The following RGS20 variants were observed in gnomAD, a reference collection of about 807,000 sequenced individuals.
RGS20 encodes the protein regulator of G protein signaling 20.
RGS20 carries 30 observed loss-of-function variants against 33.6 expected under a neutral mutation model. The ratio of observed to expected loss-of-function variants is 0.89; its 90% CI spans 0.67 to 1.21. The LOEUF (loss-of-function observed/expected upper bound fraction) is 1.21, where lower values mean the gene tolerates loss of function less well. Ranked by LOEUF, RGS20 falls within the 50% of genes most tolerant of loss-of-function variation. RGS20 has a pLI of 0.00. For synonymous variants in RGS20, 208 were observed against 197.9 expected, an observed-to-expected ratio of 1.05 and a Z score of -0.43; for missense variants, 472 against 502.4, an observed-to-expected ratio of 0.94 and a Z score of 0.58.
intron 2 of RGS20, among the ~76,000 whole-genome samples, chr8:53,910,417 C>T (rs1314262385): frequency 7.6e-6 from 1 of 131,614 alleles, no homozygotes; most frequent in Admixed American, 6.9e-5. Context: ...ATTAAAATCG[C>T]CAGGAAAAAA....
intron 2 of RGS20, among the ~76,000 whole-genome samples, chr8:53,936,591 A>G (rs1814143516): frequency 6.6e-6 from 1 of 152,210 alleles, no homozygotes; most frequent in South Asian, 2.1e-4. Flanking sequence ...TGCTCAAGGA[A>G]ATAAGGGAGG....
rs192676691 is a variant in RGS20, at chr8:53,947,858, C to T, written c.743+1110C>T. ...TGCTATATATAGGATATAGTATATA[C>T]ATTTATATATGCTATATATAAGATG... On this transcript the variant is annotated intron_variant, in intron 4 of 5. Coordinates refer to ENST00000297313, the MANE Select transcript of RGS20 (RefSeq NM_170587.4). Among the ~76,000 whole-genome samples, 1,278 of 133,350 alleles carry T rather than the reference C, an allele frequency of 9.6e-3. 36 individuals are homozygous for T. The highest frequency in any genetic ancestry group is 0.034 in the African/African-American group (1,218 of 36,122). The allele number at this position is 133,350 out of a possible 152,430, so 87.5% of individuals were successfully genotyped here.
At chr8:53,919,127 G>T (rs1017780413) in intron 2 of RGS20, among the ~76,000 whole-genome samples, 11 of 152,150 alleles carry the variant, frequency 7.2e-5, no homozygotes, top group African/African-American at 2.7e-4. Flanking sequence ...TTTCATTGTG[G>T]TAGAGATTTT....
intron 2 of RGS20, among the ~76,000 whole-genome samples, chr8:53,922,378 A>G (rs1374460788): frequency 6.6e-6 from 1 of 151,950 alleles, no homozygotes; most frequent in African/African-American, 2.4e-5. Context: ...TTTACTTTCT[A>G]TCTATTTGCA....
chr8:53,893,453 C>T (rs1328754844), intron 2 of RGS20, among the ~76,000 whole-genome samples: 1 of 152,154 alleles, frequency 6.6e-6, no homozygotes, highest in Non-Finnish European at 1.5e-5. Flanking sequence ...GTGTGTGTCC[C>T]CAAGGCCTTG....
intron 2 of RGS20, among the ~76,000 whole-genome samples, chr8:53,889,521 A>C (rs1451426011): frequency 7.3e-6 from 1 of 137,414 alleles, no homozygotes; most frequent in Non-Finnish European, 1.5e-5. Flanking sequence ...CTGAGACTAT[A>C]GGTGTCCACC....
At chr8:53,858,916 CG>C (rs1811744465) in intron 1 of RGS20, among the ~76,000 whole-genome samples, 2 of 139,656 alleles carry the variant, frequency 1.4e-5, no homozygotes, top group Admixed American at 7.2e-5. Context: ...AAAAAAACCG[CG>C]GGGGGTGGGG....
At chr8:53,935,975 TA>T (rs1488361353) in intron 2 of RGS20, among the ~76,000 whole-genome samples, 1 of 151,798 alleles carries the variant, frequency 6.6e-6, no homozygotes, top group Non-Finnish European at 1.5e-5. Flanking sequence ...ATCCATCACA[TA>T]AACAGAACCA....
chr8:53,923,594 C>CAA, intron 2 of RGS20, among the ~76,000 whole-genome samples: 1 of 137,692 alleles, frequency 7.3e-6, no homozygotes, highest in East Asian at 2.1e-4. Context: ...GACTCTGTCT[C>CAA]AAAAAAAAAA....
chr8:53,925,665 G>A (rs1242249480), intron 2 of RGS20, among the ~76,000 whole-genome samples: 2 of 152,032 alleles, frequency 1.3e-5, no homozygotes, highest in African/African-American at 4.8e-5. Flanking sequence ...AATCCGGGAG[G>A]TGGAGGTGCC....
At chr8:53,934,103 A>G (rs1275391843) in intron 2 of RGS20, among the ~76,000 whole-genome samples, 1 of 152,212 alleles carries the variant, frequency 6.6e-6, no homozygotes. Flanking sequence ...GAGCTCCTGA[A>G]GGACGTACTA....
intron 4 of RGS20, among the ~76,000 whole-genome samples, chr8:53,952,492 A>G (rs1179844410): frequency 2.0e-5 from 3 of 151,842 alleles, no homozygotes; most frequent in African/African-American, 7.2e-5. Flanking sequence ...TCGGGAGGCC[A>G]AGGTGGGTGG....
In RGS20 at chr8:53,944,642, G is replaced by A. The variant is rs184088298; in HGVS notation, c.660-2023G>A. On this transcript the variant is annotated intron_variant, in intron 3 of 5. Transcript: ENST00000297313. ...TTCTTCCTATTTGCAGATGAAACCC[G>A]AAGAGAATTATAGCTATAACTGATA... Among the ~76,000 whole-genome samples, 353 of 152,016 alleles carry A rather than the reference G, an allele frequency of 2.3e-3. 2 individuals are homozygous for A. Among genetic ancestry groups the A allele is most frequent in the African/African-American group, 7.9e-3 (329 of 41,482 alleles).
chr8:53,882,274 G>C (rs1019698481), intron 2 of RGS20, among the ~76,000 whole-genome samples: 5 of 152,222 alleles, frequency 3.3e-5, no homozygotes, highest in Non-Finnish European at 5.9e-5. Flanking sequence ...CCACGCTTGT[G>C]GGGGAGTGAG....
intron 2 of RGS20, among the ~76,000 whole-genome samples, chr8:53,909,239 A>G (rs7842610): frequency 1.5e-5 from 2 of 130,754 alleles, no homozygotes; most frequent in Admixed American, 7.8e-5. Context: ...ATATATATAT[A>G]TATATATATA....
chr8:53,946,060 T>C (rs1307962068), intron 3 of RGS20, among the ~76,000 whole-genome samples: 2 of 152,234 alleles, frequency 1.3e-5, no homozygotes, highest in African/African-American at 4.8e-5. Context: ...ATTTTGATTA[T>C]GCACTTTATT....
intron 2 of RGS20, among the ~76,000 whole-genome samples, chr8:53,907,821 TTA>T (rs1169035132): frequency 3.3e-5 from 5 of 152,050 alleles, no homozygotes; most frequent in Non-Finnish European, 7.4e-5. Context: ...AGGATACAGA[TTA>T]AGTTTAAAGG....
Position 53,937,732 on chromosome 8 carries a change from T to C in RGS20, c.511-1844T>C, listed in dbSNP as rs371984935. Among the ~76,000 whole-genome samples the C allele has an allele frequency of 6.6e-5, 10 of 152,066 alleles. No homozygotes were observed. In the East Asian group the frequency reaches 9.7e-4, roughly 15 times the overall value. On this transcript the variant is annotated intron_variant, in intron 2 of 5. Coordinates refer to ENST00000297313, the MANE Select transcript of RGS20 (RefSeq NM_170587.4). ...TCAAAAAGTGGGCAAAGGATACAAA[T>C]AGACACTTCTCAAAAGAAAACATTT...
chr8:53,932,988 C>T (rs1814019313), intron 2 of RGS20, among the ~76,000 whole-genome samples: 1 of 152,152 alleles, frequency 6.6e-6, no homozygotes. Context: ...TGGCATGGAC[C>T]TCCAGCAAAC....
Sources: allele counts gnomAD v4.1 joint callset (sites outside exome capture counted in the v4.1 genomes callset), GRCh38; gene constraint gnomAD v4.1.1; transcripts MANE v1.5; gene names NCBI Gene and HGNC (gene_info 2026-07-23, HGNC 2026-07-21).